Variants in CDC14A observed in about 807,000 individuals in gnomAD.
CDC14A encodes cell division cycle 14A, also known as dual specificity protein phosphatase CDC14A.
Under a neutral mutation model 74.4 loss-of-function variants are expected in CDC14A, and 53 were observed. The observed-to-expected ratio is 0.71, with a 90% CI of 0.57 to 0.89. The LOEUF (loss-of-function observed/expected upper bound fraction) is 0.89, where lower values mean the gene tolerates loss of function less well. Ranked by LOEUF, CDC14A falls within the 40% of genes least tolerant of loss-of-function variation. CDC14A has a pLI of 0.00. For missense variants in CDC14A, 646 were observed against 713.7 expected, an observed-to-expected ratio of 0.91 and a Z score of 1.08; for synonymous variants, 247 against 258.4, an observed-to-expected ratio of 0.96 and a Z score of 0.43.
intron 1 of CDC14A, 28 bp downstream of exon 1, chr1:100,353,031 A>T: frequency 6.2e-7 from 1 of 1,612,676 alleles, no homozygotes; most frequent in South Asian, 1.1e-5. Flanking sequence ...CGCATCTTCC[A>T]ACGCTTTCTT....
intron 2 of CDC14A, among the ~76,000 whole-genome samples, chr1:100,358,885 A>C (rs1300788757): frequency 1.3e-5 from 2 of 152,232 alleles, no homozygotes; most frequent in African/African-American, 2.4e-5. Context: ...ATGCATATTT[A>C]GGTTAGAGGT....
intron 2 of CDC14A, among the ~76,000 whole-genome samples, chr1:100,358,452 T>A (rs1251772260): frequency 2.0e-5 from 3 of 152,208 alleles, no homozygotes; most frequent in African/African-American, 7.2e-5. Flanking sequence ...GGAAGGATAG[T>A]GTATAGGGTC....
intron 3 of CDC14A, among the ~76,000 whole-genome samples, chr1:100,378,324 A>G (rs530767080): frequency 1.3e-5 from 2 of 152,196 alleles, no homozygotes; most frequent in Admixed American, 1.3e-4. Context: ...AGCAATATTT[A>G]TCTCCTTGTC....
intron 11 of CDC14A, among the ~76,000 whole-genome samples, chr1:100,494,075 C>T (rs1261846789): frequency 6.6e-6 from 1 of 152,102 alleles, no homozygotes; most frequent in Non-Finnish European, 1.5e-5. Context: ...CATCTTGGGA[C>T]AATAAATCTA....
intron 4 of CDC14A, among the ~76,000 whole-genome samples, chr1:100,420,046 A>ACG (rs1662097223): frequency 2.5e-5 from 1 of 39,244 alleles, no homozygotes; most frequent in Non-Finnish European, 8.3e-5. Flanking sequence ...ACACACACAC[A>ACG]CACACACACA....
chr1:100,390,894 C>A, intron 4 of CDC14A, 70 bp downstream of exon 4: 1 of 1,147,942 alleles, frequency 8.7e-7, no homozygotes, highest in Non-Finnish European at 1.3e-6. Flanking sequence ...AAAGAAAATC[C>A]AAACCAGTTT....
chr1:100,485,048 T>G (rs1048518160), intron 11 of CDC14A: 2 of 985,312 alleles, frequency 2.0e-6, no homozygotes, highest in Admixed American at 1.2e-4. Context: ...GTTCAATCCA[T>G]GTCTGTCTGA....
At chr1:100,385,209 G>A (rs945147678) in intron 3 of CDC14A, among the ~76,000 whole-genome samples, 2 of 152,174 alleles carry the variant, frequency 1.3e-5, no homozygotes, top group African/African-American at 2.4e-5. Flanking sequence ...CCAGGGGTGG[G>A]ACCAGTTACA....
intron 2 of CDC14A, among the ~76,000 whole-genome samples, chr1:100,357,758 A>G (rs1652122382): frequency 1.3e-5 from 2 of 151,648 alleles, no homozygotes; most frequent in African/African-American, 4.8e-5. Flanking sequence ...AAAAAAAAAA[A>G]AAAGAAAGAA....
chr1:100,478,255 G>A (rs1160497449), intron 10 of CDC14A, among the ~76,000 whole-genome samples: 3 of 151,678 alleles, frequency 2.0e-5, no homozygotes, highest in Non-Finnish European at 2.9e-5. Context: ...AATGTCCTCC[G>A]AGACAACCTT....
At chr1:100,380,275 G>A (rs1655913285) in intron 3 of CDC14A, among the ~76,000 whole-genome samples, 1 of 152,194 alleles carries the variant, frequency 6.6e-6, no homozygotes, top group Admixed American at 6.5e-5. Flanking sequence ...GGAAAGGTGT[G>A]TGACTTGCCC....
Position 100,352,851 on chromosome 1 carries a change from C to T in CDC14A, c.-104C>T, listed in dbSNP as rs751728846. ...GCCTCCCTCGGCCAGGCTTGTTGTT[C>T]GGGACTGTGAGCTTCCTGGCTCCTG... On this transcript the variant is annotated 5_prime_UTR_variant, in exon 1 of 16. Coordinates refer to ENST00000336454, the MANE Select transcript of CDC14A (RefSeq NM_003672.4). 8.7e-5 allele frequency: 137 copies of T among 1,579,880 alleles called. No individual in the cohort carries two copies. The highest frequency in any genetic ancestry group is 1.1e-4 in the Non-Finnish European group (131 of 1,165,548).
At chr1:100,429,775 GTATA>G (rs908362552) in intron 5 of CDC14A, among the ~76,000 whole-genome samples, 9 of 146,652 alleles carry the variant, frequency 6.1e-5, no homozygotes, top group African/African-American at 2.2e-4. Context: ...TATCAAGTGT[GTATA>G]TATATATATC....
chr1:100,441,571 G>A (rs997492935), intron 6 of CDC14A, among the ~76,000 whole-genome samples: 5 of 149,818 alleles, frequency 3.3e-5, no homozygotes, highest in Non-Finnish European at 7.4e-5. Flanking sequence ...AAATACAGAG[G>A]AAAAAAAAGT....
chr1:100,496,927 C>T (rs17122671), intron 13 of CDC14A, among the ~76,000 whole-genome samples: 2,337 of 152,208 alleles, frequency 0.015, 35 homozygotes, highest in East Asian at 0.064. Context: ...GGCCCTGGCT[C>T]TCCAGATTTG....
In CDC14A at chr1:100,392,983, T is replaced by C. The variant is rs1300119915; in HGVS notation, c.309+2159T>C. The C allele has an allele frequency of 2.5e-6, 3 of 1,192,818 alleles. No homozygotes were observed. In the East Asian group the frequency reaches 7.2e-5, roughly 29 times the overall value. The allele number at this position is 1,192,818 out of a possible 1,614,324, so 73.9% of individuals were successfully genotyped here. A position where few individuals can be genotyped will look rare whatever the true frequency, so the allele number is the denominator to read the frequency against. On this transcript the variant is annotated intron_variant, in intron 4 of 15. Coordinates refer to ENST00000336454, the MANE Select transcript of CDC14A (RefSeq NM_003672.4). The stretch of plus-strand genomic sequence containing the variant: ...TTGTCCTTAACAGTTCATTAAAAGT[T>C]CAGATGCCTTTTGTGAGAGCCCAAC...
chr1:100,470,478 GA>G (rs1403312992), intron 10 of CDC14A, among the ~76,000 whole-genome samples: 3 of 151,696 alleles, frequency 2.0e-5, no homozygotes, highest in Admixed American at 6.6e-5. Flanking sequence ...TAGAACTAAA[GA>G]GTGAAATTAG....
At chr1:100,510,261 A>T (rs758796115) in intron 15 of CDC14A, among the ~76,000 whole-genome samples, 12 of 152,226 alleles carry the variant, frequency 7.9e-5, no homozygotes, top group Non-Finnish European at 1.5e-4. Context: ...TGTGCCTGGC[A>T]TGGTATTAGG....
At chr1:100,462,212 T>C (rs1404194509) in intron 8 of CDC14A, among the ~76,000 whole-genome samples, 1 of 152,206 alleles carries the variant, frequency 6.6e-6, no homozygotes, top group African/African-American at 2.4e-5. Flanking sequence ...TGGGGAGCAT[T>C]GTACTACAAA....
Sources: gnomAD v4.1 joint callset for allele counts (sites outside exome capture counted in the v4.1 genomes callset) on GRCh38, gnomAD v4.1.1 for gene constraint, MANE v1.5 for transcripts, NCBI Gene and HGNC (gene_info 2026-07-23, HGNC 2026-07-21) for gene names.